Variants in DDX10 observed in about 807,000 individuals in gnomAD.
The protein encoded by DDX10 is DEAD-box helicase 10.
In DDX10, 74 loss-of-function variants were observed where a neutral mutation model predicts 104.3. That is an observed-to-expected ratio of 0.71 (90% CI 0.59 to 0.86). DDX10 has a LOEUF of 0.86. Among genes scored for constraint, DDX10 ranks in the 40% least tolerant of loss-of-function variants. DDX10 has a pLI of 0.00. For synonymous variants in DDX10, 351 were observed against 353.4 expected (o/e 0.99, Z 0.08); for missense variants, 952 against 1,040.0 (o/e 0.92, Z 1.16).
chr11:108,704,253 T>A (rs968913296), intron 9 of DDX10, among the ~76,000 whole-genome samples: 5 of 152,234 alleles, frequency 3.3e-5, no homozygotes, highest in African/African-American at 1.2e-4. Context: ...GCCAAAGTTC[T>A]TGCCCTATGT....
At chr11:108,933,682 T>G (rs1864002845) in intron 17 of DDX10, among the ~76,000 whole-genome samples, 1 of 152,216 alleles carries the variant, frequency 6.6e-6, no homozygotes, top group Non-Finnish European at 1.5e-5. Flanking sequence ...CTTTGATCTC[T>G]TCAATTTCTT....
chr11:108,766,827 TACC>T (rs1378422350), intron 13 of DDX10, among the ~76,000 whole-genome samples: 1 of 152,182 alleles, frequency 6.6e-6, no homozygotes, highest in Non-Finnish European at 1.5e-5. Flanking sequence ...AGTAACTGAG[TACC>T]ATTACACATC....
At chr11:108,907,201 G>A (rs775249730) in intron 16 of DDX10, among the ~76,000 whole-genome samples, 4 of 152,076 alleles carry the variant, frequency 2.6e-5, no homozygotes, top group Non-Finnish European at 4.4e-5. Flanking sequence ...AAAAAATAAG[G>A]TATTGAGAGG....
intron 16 of DDX10, among the ~76,000 whole-genome samples, chr11:108,887,048 T>C (rs528189199): frequency 1.3e-5 from 2 of 152,294 alleles, no homozygotes; most frequent in South Asian, 4.1e-4. Flanking sequence ...AAATGGTATA[T>C]TATATGAAAA....
intron 7 of DDX10, among the ~76,000 whole-genome samples, chr11:108,691,289 T>C (rs1011226153): frequency 5.9e-5 from 9 of 152,254 alleles, no homozygotes; most frequent in African/African-American, 1.2e-4. Context: ...GAGTTTGTTT[T>C]ATTTATGTGA....
chr11:108,874,505 G>A (rs1042336380), intron 16 of DDX10, among the ~76,000 whole-genome samples: 13 of 152,032 alleles, frequency 8.6e-5, no homozygotes, highest in Non-Finnish European at 1.5e-4. Flanking sequence ...TTATCCGTTA[G>A]CATGACAGTT....
At chr11:108,780,567 C>T (rs146163011) in intron 13 of DDX10, among the ~76,000 whole-genome samples, 5 of 152,224 alleles carry the variant, frequency 3.3e-5, no homozygotes, top group African/African-American at 1.2e-4. Flanking sequence ...TTATCCAGTG[C>T]TAATTGGATT....
intron 16 of DDX10, among the ~76,000 whole-genome samples, chr11:108,870,530 A>AC (rs1257911976): frequency 1.3e-5 from 2 of 152,194 alleles, no homozygotes; most frequent in African/African-American, 2.4e-5. Flanking sequence ...CCTCAAATGC[A>AC]CTAAGCAGAT....
At chr11:108,917,808 A>G in intron 16 of DDX10, 65 bp from the exon 17 acceptor site, 6 of 1,563,834 alleles carry the variant, frequency 3.8e-6, no homozygotes, top group Non-Finnish European at 5.2e-6. Context: ...GGGGTCTGCA[A>G]ATAAAACCTG....
intron 17 of DDX10, among the ~76,000 whole-genome samples, chr11:108,923,132 G>C (rs1565320363): frequency 6.6e-6 from 1 of 152,136 alleles, no homozygotes. Flanking sequence ...ATTTGTTGTT[G>C]TTGTTGTTAT....
At chr11:108,892,600 C>G in intron 16 of DDX10, among the ~76,000 whole-genome samples, 1 of 151,992 alleles carries the variant, frequency 6.6e-6, no homozygotes. Flanking sequence ...AAATAATTAT[C>G]CTACATATAT....
chr11:108,830,117 A>G (rs1323696147), intron 13 of DDX10, among the ~76,000 whole-genome samples: 1 of 152,020 alleles, frequency 6.6e-6, no homozygotes, highest in African/African-American at 2.4e-5. Context: ...TGGTATTTTG[A>G]TGGGAGTTGC....
chr11:108,671,280 C>T (rs1317298446), intron 1 of DDX10, among the ~76,000 whole-genome samples: 1 of 152,250 alleles, frequency 6.6e-6, no homozygotes, highest in Non-Finnish European at 1.5e-5. Flanking sequence ...TCTCCTGCCT[C>T]AGCCTCCCAA....
chr11:108,884,442 G>A (rs2250385), intron 16 of DDX10, among the ~76,000 whole-genome samples: 145,899 of 152,140 alleles, frequency 0.96, 70,285 homozygotes, highest in East Asian at 1. Context: ...CTCACCTTCT[G>A]CCTCTTCCCC....
chr11:108,925,435 T>G (rs1455208237), intron 17 of DDX10, among the ~76,000 whole-genome samples: 1 of 152,234 alleles, frequency 6.6e-6, no homozygotes, highest in Non-Finnish European at 1.5e-5. Flanking sequence ...CTCAGGATGC[T>G]ATGAGGCTAA....
At chr11:108,683,968 CTTT>C (rs934291387) in intron 6 of DDX10, among the ~76,000 whole-genome samples, 2 of 151,876 alleles carry the variant, frequency 1.3e-5, no homozygotes, top group Non-Finnish European at 1.5e-5. Context: ...GATTAAACAT[CTTT>C]TTATGTCCTT....
intron 16 of DDX10, among the ~76,000 whole-genome samples, chr11:108,862,504 T>C (rs879308406): frequency 1.3e-5 from 2 of 152,200 alleles, no homozygotes; most frequent in Non-Finnish European, 2.9e-5. Flanking sequence ...TGAAAGACAA[T>C]TAATAATTTA....
At chr11:108,911,927 C>T (rs1863686146) in intron 16 of DDX10, among the ~76,000 whole-genome samples, 1 of 152,008 alleles carries the variant, frequency 6.6e-6, no homozygotes, top group South Asian at 2.1e-4. Flanking sequence ...TGTAAGGCAT[C>T]CTCTCAGTGT....
At chr11:108,902,911 AT>A (rs1194543939) in intron 16 of DDX10, among the ~76,000 whole-genome samples, 1 of 152,046 alleles carries the variant, frequency 6.6e-6, no homozygotes, top group Admixed American at 6.6e-5. Context: ...ATAACCTTAA[AT>A]TTTTTTATTT....
Sources: gnomAD v4.1 joint callset for allele counts (sites outside exome capture counted in the v4.1 genomes callset) on GRCh38, gnomAD v4.1.1 for gene constraint, MANE v1.5 for transcripts, NCBI Gene and HGNC (gene_info 2026-07-23, HGNC 2026-07-21) for gene names.